Variants in TGFB3 observed in about 807,000 individuals in gnomAD.
TGFB3 encodes transforming growth factor beta-3 proprotein.
A neutral mutation model predicts 40.1 loss-of-function variants in TGFB3; 5 were observed. The observed-to-expected ratio is 0.12, with a 90% CI of 0.07 to 0.26. TGFB3 has a LOEUF of 0.26. Ranked by LOEUF, TGFB3 falls within the 10% of genes least tolerant of loss-of-function variation. The pLI is 1.00. For missense variants in TGFB3, 373 were observed against 530.1 expected (o/e 0.70, Z 2.91); for synonymous variants, 184 against 205.6 (o/e 0.89, Z 0.90).
chr14:75,980,999 C>G lies in TGFB3; in HGVS notation c.-106G>C. On this transcript the variant is annotated 5_prime_UTR_variant, in exon 1 of 7. Transcript: ENST00000238682. The surrounding 1 kb of genome is among the most constrained non-coding windows in gnomAD (Gnocchi z 4.3). ...GAAAACCAGGCGGCCTCCCCAGATC[C>G]CAAAGACTGAGGCTTGGCAAGAAGG... 1 of 1,011,968 alleles carries G rather than the reference C, an allele frequency of 9.9e-7. No homozygotes were observed. Among genetic ancestry groups the G allele is most frequent in the Non-Finnish European group, 1.5e-6 (1 of 651,750 alleles). 62.7% of individuals were successfully genotyped at this position (1,011,968 alleles called of 1,614,324 possible). A position where few individuals can be genotyped will look rare whatever the true frequency, so the allele number is the denominator to read the frequency against.
chr14:75,969,843 A>AT (rs1282870367), intron 3 of TGFB3, among the ~76,000 whole-genome samples: 1 of 152,122 alleles, frequency 6.6e-6, no homozygotes, highest in African/African-American at 2.4e-5. Context: ...CCCATACCTA[A>AT]TCAGCCTGTG....
Position 75,959,034 on chromosome 14 carries a change from C to T in TGFB3, c.*153G>A. ...TCAGAGCCAGCAAGAAAGAAATGTT[C>T]CAAAAGGAAACCTCCATCTCAGCCA... On this transcript the variant is annotated 3_prime_UTR_variant, in exon 7 of 7. Coordinates refer to ENST00000238682, the MANE Select transcript of TGFB3 (RefSeq NM_003239.5). 1 of 908,124 alleles carries T rather than the reference C, an allele frequency of 1.1e-6. No homozygotes were observed. The highest frequency in any genetic ancestry group is 1.8e-6 in the Non-Finnish European group (1 of 564,562). 56.3% of individuals were successfully genotyped at this position (908,124 alleles called of 1,614,324 possible).
In TGFB3 at chr14:75,978,948, C is replaced by T. The variant is rs1332778738; in HGVS notation, c.352+1594G>A. Among the ~76,000 whole-genome samples the T allele has an allele frequency of 3.3e-5, 5 of 152,176 alleles. No homozygotes were observed. Among genetic ancestry groups the T allele is most frequent in the Admixed American group, 1.3e-4 (2 of 15,284 alleles). ...TCTCCTGCCGGCCTCAGATTTCGAC[C>T]TTCCTCTGATGCTTGTGGTCACTAT... On this transcript the variant is annotated intron_variant, in intron 1 of 6. Transcript: ENST00000238682. The surrounding 1 kb of genome is among the most constrained non-coding windows in gnomAD (Gnocchi z 5.0).
At position 75,963,545 on chromosome 14, in the gene TGFB3, G is replaced by A. The variant is rs916405024; in HGVS notation, c.755-58C>T. 5 of 1,606,838 alleles carry A rather than the reference G, an allele frequency of 3.1e-6. No individual in the cohort carries two copies. In the East Asian group the frequency reaches 1.1e-4, roughly 36 times the overall value. ...TCTGAAGAGAGCAGAGCCCTTGGAG[G>A]CTGCCTCCTCCACACGCCCCATCAC... On this transcript the variant is annotated intron_variant, in intron 4 of 6. Transcript: ENST00000238682.
intron 3 of TGFB3, chr14:75,970,879 C>A: frequency 2.1e-6 from 1 of 478,700 alleles, no homozygotes; most frequent in Admixed American, 3.1e-5. Flanking sequence ...TCCACCCACT[C>A]ATTGTCACAT....
At position 75,979,744 on chromosome 14, in the gene TGFB3, C is replaced by T. The variant is rs1005765464; in HGVS notation, c.352+798G>A. 2.2e-4 allele frequency among the ~76,000 whole-genome samples: 34 copies of T among 151,758 alleles called. No individual in the cohort carries two copies. Among genetic ancestry groups the T allele is most frequent in the South Asian group, 2.1e-4 (1 of 4,798 alleles). On this transcript the variant is annotated intron_variant, in intron 1 of 6. Transcript: ENST00000238682. The surrounding 1 kb of genome is among the most constrained non-coding windows in gnomAD (Gnocchi z 4.8). ...ACTGCCACCCCTCCACCCGCTCTCC[C>T]GTGACACGCAGACACAAAGGGCGCC...
At chr14:75,974,746 C>T (rs1468939838) in intron 1 of TGFB3, among the ~76,000 whole-genome samples, 4 of 119,864 alleles carry the variant, frequency 3.3e-5, no homozygotes, top group Non-Finnish European at 6.7e-5. Flanking sequence ...GCCTGGGCAA[C>T]AGAGTGAGAC....
intron 1 of TGFB3, among the ~76,000 whole-genome samples, chr14:75,973,177 C>G (rs2035314234): frequency 6.6e-6 from 1 of 152,144 alleles, no homozygotes; most frequent in African/African-American, 2.4e-5. Flanking sequence ...GCTCATAGAC[C>G]CAGATTCCAC....
Position 75,966,977 on chromosome 14 carries a change from C to A in TGFB3, c.647-1282G>T, listed in dbSNP as rs146011643. 2.3e-4 allele frequency among the ~76,000 whole-genome samples: 35 copies of A among 152,266 alleles called. 1 individual carries two copies. The highest frequency in any genetic ancestry group is 1.6e-4 in the Non-Finnish European group (11 of 68,010). ...GGACCTCTCTGGATTCAGGGTCAGC[C>A]TCTCGATGAGTTGATTGATTTGCTG... On this transcript the variant is annotated intron_variant, in intron 3 of 6. Coordinates refer to ENST00000238682, the MANE Select transcript of TGFB3 (RefSeq NM_003239.5).
intron 1 of TGFB3, among the ~76,000 whole-genome samples, chr14:75,976,961 C>G (rs567321757): frequency 2.0e-5 from 3 of 152,282 alleles, no homozygotes; most frequent in South Asian, 2.1e-4. Context: ...ACTCCACCCC[C>G]TCAAGATTCT....
rs761836577 is a variant in TGFB3, at chr14:75,959,133, G to A, written c.*54C>T. Reference sequence around the variant, plus strand: ...GTTGCTTGTGTGTTTCCCGAGGAGCGGGCAGTCAGGCAGTGGTGGTTCTCT... The same window carrying A: ...GTTGCTTGTGTGTTTCCCGAGGAGCAGGCAGTCAGGCAGTGGTGGTTCTCT... On this transcript the variant is annotated 3_prime_UTR_variant, in exon 7 of 7. Transcript: ENST00000238682. The A allele has an allele frequency of 4.7e-5, 75 of 1,610,970 alleles. No homozygotes were observed. The highest frequency in any genetic ancestry group is 3.2e-4 in the African/African-American group (24 of 74,846).
rs531639847 is a variant in TGFB3, at chr14:75,959,340, C to T, written c.1086G>A (p.Leu362=). ...RSADTTHSTV[L]GLYNTLNPEA... ...CAGGGTTCAGAGTGTTGTACAGTCC[C>T]AGCACCTGGGAAGGGACATGTCAGT... is the stretch of plus-strand genomic sequence containing the variant. The change falls in exon 7 of 7, where the codon CTG becomes CTA. Residue 362 remains leucine (L), a synonymous_variant. Transcript: ENST00000238682. 1 of 1,614,052 alleles carries T rather than the reference C, an allele frequency of 6.2e-7. No homozygotes were observed. The highest frequency in any genetic ancestry group is 1.7e-5 in the Admixed American group (1 of 60,022).
At chr14:75,970,086 C>T (rs1436244791) in intron 3 of TGFB3, among the ~76,000 whole-genome samples, 1 of 152,186 alleles carries the variant, frequency 6.6e-6, no homozygotes, top group Non-Finnish European at 1.5e-5. Flanking sequence ...GAATTCCCAA[C>T]AGAGCTGCCG....
chr14:75,974,779 A>AGAAG (rs1555361014), intron 1 of TGFB3, among the ~76,000 whole-genome samples: 11 of 148,334 alleles, frequency 7.4e-5, no homozygotes, highest in Non-Finnish European at 1.2e-4. Flanking sequence ...AAAAAAAAAA[A>AGAAG]AAGAAGAAGA....
chr14:75,969,459 C>T (rs3917182), intron 3 of TGFB3, among the ~76,000 whole-genome samples: 5 of 152,192 alleles, frequency 3.3e-5, no homozygotes, highest in Non-Finnish European at 5.9e-5. Context: ...TGGACGACCT[C>T]GGTCAAGTCA....
chr14:75,961,414 C>T (rs2140236482), intron 5 of TGFB3, among the ~76,000 whole-genome samples: 1 of 152,334 alleles, frequency 6.6e-6, no homozygotes, highest in East Asian at 1.9e-4. Flanking sequence ...GCCAACTCAG[C>T]TTTGTTGAGG....
rs889394574 is a variant in TGFB3 at position 75,980,957 on chromosome 14, C to T, written c.-64G>A. ...CTGGAGAGGAAGAGACCCCAGCAGA[C>T]GTGCAGAAGGAGGGAGGAAAACCAG... On this transcript the variant is annotated 5_prime_UTR_variant, in exon 1 of 7. Coordinates refer to ENST00000238682, the MANE Select transcript of TGFB3 (RefSeq NM_003239.5). This position sits in a 1 kb window ranked among gnomAD's most constrained non-coding sequence, Gnocchi z 4.3. 15 of 1,493,950 alleles carry T rather than the reference C, an allele frequency of 1.0e-5. No individual in the cohort carries two copies. Among genetic ancestry groups the T allele is most frequent in the East Asian group, 6.8e-5 (3 of 44,326 alleles). The allele number at this position is 1,493,950 out of a possible 1,614,324, so 92.5% of individuals were successfully genotyped here.
chr14:75,978,256 ACC>A lies in TGFB3; in HGVS notation c.352+2284_352+2285del, dbSNP rs1172265886. Among the ~76,000 whole-genome samples, 1 of 151,542 alleles carries A rather than the reference ACC, an allele frequency of 6.6e-6. No individual in the cohort carries two copies. The highest frequency in any genetic ancestry group is 2.4e-5 in the African/African-American group (1 of 41,020). ...TGTGCCCCACCACAGACCTGGTGTC[ACC>A]CCTGTCTGCCCTCATGAGTTAAAGA... On this transcript the variant is annotated intron_variant, in intron 1 of 6. Coordinates refer to ENST00000238682, the MANE Select transcript of TGFB3 (RefSeq NM_003239.5). The surrounding 1 kb of genome is among the most constrained non-coding windows in gnomAD (Gnocchi z 5.0).
intron 3 of TGFB3, among the ~76,000 whole-genome samples, chr14:75,970,188 C>G (rs936693129): frequency 2.6e-5 from 4 of 152,096 alleles, no homozygotes; most frequent in Admixed American, 2.0e-4. Context: ...GTATCCCCAG[C>G]TCTGGTTATA....
Sources: gnomAD v4.1 joint callset for allele counts (sites outside exome capture counted in the v4.1 genomes callset) on GRCh38, gnomAD v4.1.1 for gene constraint, Gnocchi (gnomAD v3.1) non-coding constraint, MANE v1.5 for transcripts, NCBI Gene and HGNC (gene_info 2026-07-23, HGNC 2026-07-21) for gene names.